MAP4K4: variants seen among roughly 807,000 people sequenced by gnomAD.
MAP4K4 encodes mitogen-activated protein kinase kinase kinase kinase 4, also known as HPK/GCK-like kinase HGK.
Under a neutral mutation model 189.6 loss-of-function variants are expected in MAP4K4, and 38 were observed. That is an observed-to-expected ratio of 0.20 (90% CI 0.15 to 0.26). MAP4K4 has a LOEUF of 0.26. Among genes scored for constraint, MAP4K4 ranks in the 10% least tolerant of loss-of-function variants. The pLI, the probability that MAP4K4 is intolerant of heterozygous loss-of-function variation, is 1.00. For missense variants in MAP4K4, 1,054 were observed against 1,726.9 expected (o/e 0.61, Z 6.91); for synonymous variants, 610 against 624.3 (o/e 0.98, Z 0.34).
Position 101,698,043 on chromosome 2 carries a change from A to T in MAP4K4, c.-38A>T, listed in dbSNP as rs183144410. 1.0e-5 allele frequency: 13 copies of T among 1,300,034 alleles called. No individual in the cohort carries two copies. The Admixed American group carries it at 1.8e-4, about 18-fold the overall frequency. The allele number at this position is 1,300,034 out of a possible 1,614,324, so 80.5% of individuals were successfully genotyped here. ...CTGAGATACACAGAGCGACAGAGAC[A>T]TTTATTGTTATTTGTTTTTTGGTGG... On this transcript the variant is annotated 5_prime_UTR_variant, in exon 1 of 33. Transcript: ENST00000324219.
At chr2:101,762,200 T>C (rs2076783888) in intron 2 of MAP4K4, among the ~76,000 whole-genome samples, 1 of 152,196 alleles carries the variant, frequency 6.6e-6, no homozygotes, top group African/African-American at 2.4e-5. Context: ...CATCAGAAAT[T>C]GTGTATCCCA....
intron 10 of MAP4K4, among the ~76,000 whole-genome samples, chr2:101,841,745 GC>G (rs1192288157): frequency 2.0e-5 from 3 of 152,144 alleles, no homozygotes; most frequent in Non-Finnish European, 4.4e-5. Flanking sequence ...GGGATTACAG[GC>G]GGGAGCCACC....
At chr2:101,789,155 G>A (rs2092380407) in intron 2 of MAP4K4, among the ~76,000 whole-genome samples, 1 of 152,156 alleles carries the variant, frequency 6.6e-6, no homozygotes, top group Non-Finnish European at 1.5e-5. Flanking sequence ...CACTGCAGGG[G>A]GTGAATAACA....
chr2:101,793,612 G>A (rs537685766), intron 3 of MAP4K4, among the ~76,000 whole-genome samples: 2 of 149,892 alleles, frequency 1.3e-5, no homozygotes, highest in Non-Finnish European at 3.0e-5. Context: ...TTCATCTCAG[G>A]AGCAAAAAGG....
At chr2:101,871,672 T>C in exon 24 of MAP4K4, 1 of 1,536,424 alleles carries the variant, frequency 6.5e-7, no homozygotes, top group Non-Finnish European at 8.7e-7. Flanking sequence ...CAGGACAAGC[T>C]CACTGCTAAT....
chr2:101,798,308 C>T (rs778585662), intron 3 of MAP4K4, among the ~76,000 whole-genome samples: 25 of 152,068 alleles, frequency 1.6e-4, no homozygotes, highest in Admixed American at 5.9e-4. Context: ...TGTCTTTACA[C>T]TTAAAAGTAG....
intron 12 of MAP4K4, among the ~76,000 whole-genome samples, chr2:101,846,084 A>G (rs747128525): frequency 5.3e-5 from 8 of 152,356 alleles, no homozygotes; most frequent in Middle Eastern, 3.4e-3. Flanking sequence ...GAGCCTGCAA[A>G]TATTCAGCTA....
chr2:101,857,925 A>G (rs2097527642), intron 13 of MAP4K4, among the ~76,000 whole-genome samples: 1 of 152,208 alleles, frequency 6.6e-6, no homozygotes, highest in African/African-American at 2.4e-5. Flanking sequence ...TTAAAAGGGA[A>G]TCTGAATTTC....
At chr2:101,738,624 C>T (rs547830828) in intron 2 of MAP4K4, among the ~76,000 whole-genome samples, 21 of 152,036 alleles carry the variant, frequency 1.4e-4, no homozygotes, top group Non-Finnish European at 2.9e-4. Context: ...ACATCTTGCA[C>T]CTGTCTTATT....
Position 101,872,166 on chromosome 2 carries a change from T to C in MAP4K4, c.2952+481T>C, listed in dbSNP as rs115006282. On this transcript the variant is annotated intron_variant, in intron 24 of 32. Coordinates refer to ENST00000324219, the Ensembl canonical transcript of MAP4K4. ...CTTTCAAACAGAACTGATTTTTTTT[T>C]TTTTTCTTGTTTGGGGGGTGGGTTG... 9.7e-3 allele frequency among the ~76,000 whole-genome samples: 1,479 copies of C among 152,270 alleles called. 22 individuals carry two copies. Among genetic ancestry groups the C allele is most frequent in the African/African-American group, 0.033 (1,380 of 41,544 alleles).
chr2:101,760,452 G>A (rs569878728), intron 2 of MAP4K4, among the ~76,000 whole-genome samples: 66 of 145,128 alleles, frequency 4.5e-4, no homozygotes, highest in Non-Finnish European at 8.3e-4. Context: ...TTGTGCCACT[G>A]CACTCCAGCC....
intron 2 of MAP4K4, among the ~76,000 whole-genome samples, chr2:101,719,075 T>C (rs1017078842): frequency 6.6e-6 from 1 of 152,146 alleles, no homozygotes; most frequent in African/African-American, 2.4e-5. Flanking sequence ...TCACAGGATG[T>C]TGATGTAGGA....
At chr2:101,758,844 G>A (rs1313016676) in intron 2 of MAP4K4, among the ~76,000 whole-genome samples, 1 of 152,102 alleles carries the variant, frequency 6.6e-6, no homozygotes, top group Non-Finnish European at 1.5e-5. Flanking sequence ...CTATAAAGAA[G>A]GGTTGCTGGC....
At chr2:101,808,475 T>C (rs998242614) in intron 3 of MAP4K4, among the ~76,000 whole-genome samples, 1 of 152,102 alleles carries the variant, frequency 6.6e-6, no homozygotes, top group African/African-American at 2.4e-5. Flanking sequence ...CCCTTTGACT[T>C]TACTGGTTAC....
At chr2:101,867,736 A>G in intron 20 of MAP4K4, 1 of 434,736 alleles carries the variant, frequency 2.3e-6, no homozygotes, top group Non-Finnish European at 4.1e-6. Context: ...CTTTTAGACT[A>G]AGTTTTTAAA....
intron 2 of MAP4K4, among the ~76,000 whole-genome samples, chr2:101,785,155 G>T (rs1013766804): frequency 3.3e-5 from 5 of 152,232 alleles, no homozygotes; most frequent in Non-Finnish European, 5.9e-5. Context: ...CCTAACTTCT[G>T]TGTTTATTTA....
At chr2:101,797,106 C>A in intron 3 of MAP4K4, 1 of 679,176 alleles carries the variant, frequency 1.5e-6, no homozygotes, top group Non-Finnish European at 2.1e-6. Context: ...CCATATAACA[C>A]TGAACAATTT....
intron 3 of MAP4K4, among the ~76,000 whole-genome samples, chr2:101,807,265 C>T (rs1409418524): frequency 6.6e-6 from 1 of 151,730 alleles, no homozygotes; most frequent in Non-Finnish European, 1.5e-5. Context: ...ACTATATTGC[C>T]CAGGCTAGTC....
At chr2:101,873,294 A>T (rs1263412150) in intron 24 of MAP4K4, among the ~76,000 whole-genome samples, 2 of 152,240 alleles carry the variant, frequency 1.3e-5, no homozygotes, top group Non-Finnish European at 2.9e-5. Context: ...GTGAATTGAG[A>T]TCAAGACATT....
Sources: allele counts gnomAD v4.1 joint callset (sites outside exome capture counted in the v4.1 genomes callset), GRCh38; gene constraint gnomAD v4.1.1; transcripts MANE v1.5; gene names NCBI Gene and HGNC (gene_info 2026-07-23, HGNC 2026-07-21).